FLRT2: variants seen among roughly 807,000 people sequenced by gnomAD.
FLRT2 encodes the protein fibronectin leucine rich transmembrane protein 2, also known as leucine-rich repeat transmembrane protein FLRT2.
In FLRT2, 15 loss-of-function variants were observed where a neutral mutation model predicts 40.0. The observed-to-expected ratio is 0.38, with a 90% CI of 0.25 to 0.58. The LOEUF (loss-of-function observed/expected upper bound fraction) is 0.58. Among genes scored for constraint, FLRT2 ranks in the 20% least tolerant of loss-of-function variants. FLRT2 has a pLI of 0.71. For missense variants in FLRT2, 726 were observed against 840.0 expected (o/e 0.86, Z 1.68); for synonymous variants, 380 against 336.8 (o/e 1.13, Z -1.41).
Position 85,628,486 on chromosome 14 carries a change from A to T in FLRT2, c.*4989A>T, listed in dbSNP as rs1201705494. The T allele has an allele frequency of 6.6e-6, 1 of 152,090 alleles. No homozygotes were observed. The highest frequency in any genetic ancestry group is 1.5e-5 in the Non-Finnish European group (1 of 68,026). 9.4% of individuals were successfully genotyped at this position (152,090 alleles called of 1,614,324 possible). A position where few individuals can be genotyped will look rare whatever the true frequency, so the allele number is the denominator to read the frequency against. ...AGATTTCTTTAAGAATTCTCATAGT[A>T]CTTTTCTGCCGCAGAATTTATAGCA... is the stretch of plus-strand genomic sequence containing the variant. On this transcript the variant is annotated 3_prime_UTR_variant, in exon 2 of 2. Coordinates refer to ENST00000330753, the MANE Select transcript of FLRT2 (RefSeq NM_013231.6).
In FLRT2 at chr14:85,623,634, A is replaced by T. The variant is rs1423635431; in HGVS notation, c.*137A>T. On this transcript the variant is annotated 3_prime_UTR_variant, in exon 2 of 2. Transcript: ENST00000330753. ...TGTGCATTTGAATACTCTGTAATTTATACGGTGTACTATATAATGGGATTT... is the reference window on the plus strand; with the variant it reads ...TGTGCATTTGAATACTCTGTAATTTTTACGGTGTACTATATAATGGGATTT... 1 of 644,268 alleles carries T rather than the reference A, an allele frequency of 1.6e-6. No individual in the cohort carries two copies. Among genetic ancestry groups the T allele is most frequent in the East Asian group, 3.0e-5 (1 of 33,132 alleles). The allele number at this position is 644,268 out of a possible 1,614,324, so 39.9% of individuals were successfully genotyped here.
chr14:85,551,743 C>T lies in FLRT2; in HGVS notation c.-377+21209C>T, dbSNP rs374295730. Reference sequence around the variant, plus strand: ...ACTGATGACTTAATTCACTTCTTGCCAGTGAGAAAAGGTAGCCATGTGGTG... The same window carrying T: ...ACTGATGACTTAATTCACTTCTTGCTAGTGAGAAAAGGTAGCCATGTGGTG... On this transcript the variant is annotated intron_variant, in intron 1 of 1. Coordinates refer to ENST00000330753, the MANE Select transcript of FLRT2 (RefSeq NM_013231.6). 25 of 152,240 alleles carry T rather than the reference C, an allele frequency of 1.6e-4. 1 individual carries two copies. The East Asian group carries it at 3.9e-3, about 24-fold the overall frequency. The allele number at this position is 152,240 out of a possible 1,614,324, so 9.4% of individuals were successfully genotyped here.
chr14:85,579,019 A>T (rs1333085261), intron 1 of FLRT2, among the ~76,000 whole-genome samples: 1 of 152,148 alleles, frequency 6.6e-6, no homozygotes, highest in African/African-American at 2.4e-5. Flanking sequence ...CTTTGGGAAA[A>T]CACTTTGAAT....
chr14:85,593,985 T>G (rs1362807987), intron 1 of FLRT2, among the ~76,000 whole-genome samples: 3 of 152,058 alleles, frequency 2.0e-5, no homozygotes, highest in African/African-American at 7.2e-5. Context: ...GAGGTTGCAG[T>G]GAGCCGAGAT....
At chr14:85,544,682 G>T (rs1889178811) in intron 1 of FLRT2, among the ~76,000 whole-genome samples, 1 of 152,110 alleles carries the variant, frequency 6.6e-6, no homozygotes, top group South Asian at 2.1e-4. Flanking sequence ...GCTTGGGAAG[G>T]TTACAATAAA....
At position 85,629,174 on chromosome 14, in the gene FLRT2, T is replaced by G. The variant is rs1253138532; in HGVS notation, c.*5677T>G. The G allele has an allele frequency of 6.6e-6, 1 of 152,162 alleles. No homozygotes were observed. The highest frequency in any genetic ancestry group is 1.5e-5 in the Non-Finnish European group (1 of 68,022). 9.4% of individuals were successfully genotyped at this position (152,162 alleles called of 1,614,324 possible). ...GTGTCTCAGAGCCTGCATAATCACT[T>G]TATACTACTTCATTAAATTGACAGG... On this transcript the variant is annotated 3_prime_UTR_variant, in exon 2 of 2. Transcript: ENST00000330753.
chr14:85,557,848 TAAC>T (rs1209243156), intron 1 of FLRT2, among the ~76,000 whole-genome samples: 2 of 151,506 alleles, frequency 1.3e-5, no homozygotes, highest in Non-Finnish European at 3.0e-5. Context: ...ATTAATTAAT[TAAC>T]AAAAGCAAAC....
rs902774595 is a variant in FLRT2 at position 85,629,933 on chromosome 14, A to T, written c.*6436A>T. On this transcript the variant is annotated 3_prime_UTR_variant, in exon 2 of 2. Transcript: ENST00000330753. ...TGATTTGAAGGTTTCAGATGGAATC[A>T]AGATATGTCTGTACCCATAGGGTGA... 6.6e-6 allele frequency: 1 copy of T among 152,202 alleles called. No individual in the cohort carries two copies. The highest frequency in any genetic ancestry group is 1.5e-5 in the Non-Finnish European group (1 of 68,036). The allele number at this position is 152,202 out of a possible 1,614,324, so 9.4% of individuals were successfully genotyped here. A position where few individuals can be genotyped will look rare whatever the true frequency, so the allele number is the denominator to read the frequency against.
At chr14:85,586,005 A>G (rs1162555431) in intron 1 of FLRT2, among the ~76,000 whole-genome samples, 1 of 148,944 alleles carries the variant, frequency 6.7e-6, no homozygotes, top group African/African-American at 2.4e-5. Context: ...CATTAAAAGC[A>G]TATATTTTAA....
rs892389925 is a variant in FLRT2 at position 85,634,589 on chromosome 14, A to C, written c.*11092A>C. ...TATGAAAACATGATGAATCTTTTAA[A>C]TTCTGAGTCCAATGCTGTCTACATC... is the stretch of plus-strand genomic sequence containing the variant. On this transcript the variant is annotated 3_prime_UTR_variant, in exon 2 of 2. Transcript: ENST00000330753. 1 of 152,206 alleles carries C rather than the reference A, an allele frequency of 6.6e-6. No homozygotes were observed. The highest frequency in any genetic ancestry group is 2.4e-5 in the African/African-American group (1 of 41,466). The allele number at this position is 152,206 out of a possible 1,614,324, so 9.4% of individuals were successfully genotyped here. A position where few individuals can be genotyped will look rare whatever the true frequency, so the allele number is the denominator to read the frequency against.
intron 1 of FLRT2, among the ~76,000 whole-genome samples, chr14:85,612,178 A>T (rs1293797185): frequency 6.6e-6 from 1 of 150,630 alleles, no homozygotes; most frequent in African/African-American, 2.4e-5. Context: ...AGTGGTTGAA[A>T]TTGATTAGCA....
chr14:85,543,198 A>T (rs1020274150), intron 1 of FLRT2, among the ~76,000 whole-genome samples: 1 of 152,116 alleles, frequency 6.6e-6, no homozygotes, highest in African/African-American at 2.4e-5. Flanking sequence ...TCTGTGATGA[A>T]ACCTGGGAAT....
chr14:85,590,777 T>G (rs1304671138), intron 1 of FLRT2, among the ~76,000 whole-genome samples: 1 of 152,094 alleles, frequency 6.6e-6, no homozygotes, highest in East Asian at 1.9e-4. Flanking sequence ...TTTGTATTTT[T>G]AGTAGAGATG....
intron 1 of FLRT2, among the ~76,000 whole-genome samples, chr14:85,579,554 C>T (rs1891293598): frequency 6.6e-6 from 1 of 152,118 alleles, no homozygotes; most frequent in Admixed American, 6.5e-5. Flanking sequence ...TCTAGTATCT[C>T]GTTTTCCAGC....
Position 85,645,174 on chromosome 14 carries a change from A to G in FLRT2, c.*21677A>G, listed in dbSNP as rs1040560948. On this transcript the variant is annotated 3_prime_UTR_variant, in exon 2 of 2. Transcript: ENST00000330753. The stretch of plus-strand genomic sequence containing the variant: ...TATATACACACATATGTGTGTATGT[A>G]TATGTATACCTATATATATGTATAC... 34 of 151,872 alleles carry G rather than the reference A, an allele frequency of 2.2e-4. No homozygotes were observed. Among genetic ancestry groups the G allele is most frequent in the Admixed American group, 2.0e-3 (30 of 15,224 alleles). 9.4% of individuals were successfully genotyped at this position (151,872 alleles called of 1,614,324 possible). A position where few individuals can be genotyped will look rare whatever the true frequency, so the allele number is the denominator to read the frequency against.
intron 1 of FLRT2, among the ~76,000 whole-genome samples, chr14:85,539,067 G>C (rs1442116425): frequency 6.6e-6 from 1 of 152,106 alleles, no homozygotes; most frequent in Non-Finnish European, 1.5e-5. Flanking sequence ...AGAGGTTCCA[G>C]GAATCTCTTT....
At chr14:85,563,702 A>T (rs1474652678) in intron 1 of FLRT2, among the ~76,000 whole-genome samples, 1 of 152,186 alleles carries the variant, frequency 6.6e-6, no homozygotes, top group African/African-American at 2.4e-5. Context: ...ATTACAATTC[A>T]ACATGAGATT....
intron 1 of FLRT2, among the ~76,000 whole-genome samples, chr14:85,549,048 G>T (rs996603105): frequency 6.6e-6 from 1 of 152,154 alleles, no homozygotes; most frequent in Admixed American, 6.5e-5. Flanking sequence ...TCCAGGGGAA[G>T]ACCACCTTCC....
In FLRT2 at chr14:85,561,486, G is replaced by A. The variant is rs76886180; in HGVS notation, c.-377+30952G>A. ...ATTTCTTTGCCCTCATTTTCAAAGA[G>A]ACTGACTACTGGGGACCCTTGCTTA... On this transcript the variant is annotated intron_variant, in intron 1 of 1. Transcript: ENST00000330753. Among the ~76,000 whole-genome samples, 1,498 of 152,238 alleles carry A rather than the reference G, an allele frequency of 9.8e-3. 18 individuals are homozygous for A. Among genetic ancestry groups the A allele is most frequent in the African/African-American group, 0.034 (1,394 of 41,524 alleles).
Sources: gnomAD v4.1 joint callset for allele counts (sites outside exome capture counted in the v4.1 genomes callset) on GRCh38, gnomAD v4.1.1 for gene constraint, MANE v1.5 for transcripts, NCBI Gene and HGNC (gene_info 2026-07-23, HGNC 2026-07-21) for gene names.